The following CTC1 variants were observed in gnomAD, a reference collection of about 807,000 sequenced individuals.
The protein encoded by CTC1 is CST complex subunit CTC1.
CTC1 carries 91 observed loss-of-function variants against 136.3 expected under a neutral mutation model. The observed-to-expected ratio is 0.67, with a 90% confidence interval of 0.56 to 0.79. The LOEUF is 0.79. Ranked by LOEUF, CTC1 falls within the 30% of genes least tolerant of loss-of-function variation. The probability of loss-of-function intolerance (pLI) is 0.00; values close to 1 mark genes in which losing one functional copy is unlikely to be tolerated. For synonymous variants in CTC1, 606 were observed against 613.8 expected, an observed-to-expected ratio of 0.99 and a Z score of 0.19; for missense variants, 1,432 against 1,498.1, an observed-to-expected ratio of 0.96 and a Z score of 0.73.
chr17:8,237,531 G>A lies in CTC1; in HGVS notation c.648-12C>T. On this transcript the variant is annotated splice_polypyrimidine_tract_variant and intron_variant, in intron 4 of 22. Transcript: ENST00000651323. ...CTCTGAGCTTGTTTCTAAGAAGGAA[G>A]AAAAAGCCCTGTAATCCCAGCTACT... 6.2e-7 allele frequency: 1 copy of A among 1,613,536 alleles called. No homozygotes were observed. The highest frequency in any genetic ancestry group is 1.6e-4 in the Middle Eastern group (1 of 6,062).
chr17:8,238,082 G>A lies in CTC1; in HGVS notation c.596C>T (p.Thr199Met), dbSNP rs747323535. 5.5e-5 allele frequency: 88 copies of A among 1,614,044 alleles called. No homozygotes were observed. Among genetic ancestry groups the A allele is most frequent in the Middle Eastern group, 1.6e-4 (1 of 6,082 alleles). Residue 199 changes from threonine (T) to methionine (M), a missense_variant, in exon 4 of 23, where the codon ACG becomes ATG. Transcript: ENST00000651323. ...CTCTGGGTAGAGGACAGGGATAGGC[G>A]TGACGGGGCCAGGACTGATGGTCAA... ...FPLTISPGPV[T>M]PIPVLYPESA...
At chr17:8,240,667 G>A (rs964023501) in intron 2 of CTC1, among the ~76,000 whole-genome samples, 1 of 151,316 alleles carries the variant, frequency 6.6e-6, no homozygotes, top group Non-Finnish European at 1.5e-5. Context: ...ATCACCTGAG[G>A]TCAGGAGTTT....
chr17:8,236,492 T>C (rs1453692964), intron 5 of CTC1, 150 bp from the exon 6 acceptor site: 1 of 764,852 alleles, frequency 1.3e-6, no homozygotes. Flanking sequence ...GCCAACTAAA[T>C]CTTAGCGTCT....
At chr17:8,235,721 A>G in intron 7 of CTC1, 110 bp downstream of exon 7, 1 of 1,256,164 alleles carries the variant, frequency 8.0e-7, no homozygotes, top group Non-Finnish European at 1.1e-6. Context: ...CCTAACACAC[A>G]CTTTTAATTT....
chr17:8,244,529 CTT>C (rs553787024), intron 1 of CTC1, among the ~76,000 whole-genome samples: 17 of 145,478 alleles, frequency 1.2e-4, no homozygotes, highest in East Asian at 2.0e-4. Flanking sequence ...TCACATTCCT[CTT>C]TTTTTTTTTT....
At position 8,235,147 on chromosome 17, in the gene CTC1, C is replaced by G; in HGVS notation, c.1345G>C (p.Gly449Arg). Residue 449 changes from glycine to arginine, a missense_variant, in exon 8 of 23, where the codon GGG becomes CGG. Physicochemically the swap from Gly to Arg is moderately radical, Grantham distance 125 (BLOSUM62 -2). Transcript: ENST00000651323. ...PGAHSSRQAY[G>R]ASLYEQLVWE... ...ACCAGCTGCTCGTACAGGGAGGCCC[C>G]GTAGGCTTGACGGGATGAGTGAGCC... 1 of 1,614,138 alleles carries G rather than the reference C, an allele frequency of 6.2e-7. No homozygotes were observed. Among genetic ancestry groups the G allele is most frequent in the African/African-American group, 1.3e-5 (1 of 75,032 alleles).
chr17:8,246,795 A>T (rs1225892577), intron 1 of CTC1, among the ~76,000 whole-genome samples: 1 of 151,750 alleles, frequency 6.6e-6, no homozygotes, highest in African/African-American at 2.4e-5. Context: ...AATTCCAGCT[A>T]CTCGGGAGGC....
chr17:8,227,132 C>T lies in CTC1; in HGVS notation c.*1048G>A, dbSNP rs186230926. On this transcript the variant is annotated 3_prime_UTR_variant, in exon 23 of 23. Transcript: ENST00000651323. ...GCTACCATAAAAGCAGCATAAATCC[C>T]AACATATGGGTTTAACCACGCTCTA... 6.6e-6 allele frequency: 1 copy of T among 152,114 alleles called. No individual in the cohort carries two copies. The highest frequency in any genetic ancestry group is 1.5e-5 in the Non-Finnish European group (1 of 68,018). 9.4% of individuals were successfully genotyped at this position (152,114 alleles called of 1,614,324 possible). A position where few individuals can be genotyped will look rare whatever the true frequency, so the allele number is the denominator to read the frequency against.
chr17:8,237,939 C>A (rs1173058845), intron 4 of CTC1, 92 bp downstream of exon 4: 5 of 991,348 alleles, frequency 5.0e-6, no homozygotes, highest in Non-Finnish European at 1.5e-6. Flanking sequence ...GTCTATATTA[C>A]TATCAATGCC....
At position 8,234,626 on chromosome 17, in the gene CTC1, G is replaced by C; in HGVS notation, c.1647C>G (p.Phe549Leu). 1 of 1,613,052 alleles carries C rather than the reference G, an allele frequency of 6.2e-7. No homozygotes were observed. Residue 549 changes from phenylalanine (F) to leucine (L), a missense_variant, in exon 10 of 23, where the codon TTC (phenylalanine) becomes TTG (leucine). Physicochemically the swap from Phe to Leu is conservative, Grantham distance 22. Transcript: ENST00000651323. Reference protein sequence around the residue: ...KYTRLQTPSSFPTLATLKEEG... With the variant: ...KYTRLQTPSSLPTLATLKEEG... Reference sequence around the variant, plus strand: ...CTTCTTTCAGGGTGGCCAGAGTGGGGAAGGAGGAGGGAGTCTGCAGCCGAG... The same window carrying C: ...CTTCTTTCAGGGTGGCCAGAGTGGGCAAGGAGGAGGGAGTCTGCAGCCGAG...
At chr17:8,238,751 G>C in intron 2 of CTC1, 122 bp from the exon 3 acceptor site, 1 of 691,116 alleles carries the variant, frequency 1.4e-6, no homozygotes, top group South Asian at 2.0e-5. Context: ...ACTAAGAGGT[G>C]AGTTTGATTG....
Position 8,243,131 on chromosome 17 carries a change from C to T in CTC1, c.51G>A (p.Glu17=). 1 of 1,613,708 alleles carries T rather than the reference C, an allele frequency of 6.2e-7. No homozygotes were observed. Among genetic ancestry groups the T allele is most frequent in the Admixed American group, 1.7e-5 (1 of 59,966 alleles). Residue 17 remains glutamate, a synonymous_variant, in exon 2 of 23, where the codon GAG becomes GAA. Coordinates refer to ENST00000651323, the MANE Select transcript of CTC1 (RefSeq NM_025099.6). The stretch of plus-strand genomic sequence containing the variant: ...TCTTTTGGATGAAGACCTGAGCATC[C>T]TCAAGCCAGGCTTGTTCCTGAGGAA... ...QVPSSEQAWL[E]DAQVFIQKTL...
chr17:8,232,734 G>T, intron 11 of CTC1, 172 bp downstream of exon 11: 1 of 854,644 alleles, frequency 1.2e-6, no homozygotes, highest in Non-Finnish European at 1.9e-6. Context: ...TCTGGCTAGG[G>T]GTCCTCTTGC....
At chr17:8,235,625 C>T (rs1354746390) in intron 7 of CTC1, among the ~76,000 whole-genome samples, 1 of 152,210 alleles carries the variant, frequency 6.6e-6, no homozygotes, top group African/African-American at 2.4e-5. Context: ...AGGAGATGCT[C>T]TGGCCACAAC....
At chr17:8,245,074 CCA>C (rs1412172097) in intron 1 of CTC1, among the ~76,000 whole-genome samples, 1 of 152,080 alleles carries the variant, frequency 6.6e-6, no homozygotes, top group African/African-American at 2.4e-5. Context: ...ATGTTTGTTC[CCA>C]CTTATAAGTG....
intron 2 of CTC1, among the ~76,000 whole-genome samples, chr17:8,239,748 A>G (rs1988055940): frequency 6.6e-6 from 1 of 152,014 alleles, no homozygotes; most frequent in South Asian, 2.1e-4. Flanking sequence ...GTGGAAATGA[A>G]AAGGATCGAG....
Position 8,228,525 on chromosome 17 carries a change from T to G in CTC1, c.3492A>C (p.Lys1164Asn), listed in dbSNP as rs952574848. The G allele has an allele frequency of 1.2e-6, 2 of 1,613,948 alleles. No homozygotes were observed. Among genetic ancestry groups the G allele is most frequent in the African/African-American group, 2.7e-5 (2 of 74,886 alleles). Residue 1164 changes from lysine to asparagine, a missense_variant, in exon 22 of 23, where the codon AAA becomes AAC. Physicochemically the swap from Lys to Asn is moderately conservative, Grantham distance 94. Coordinates refer to ENST00000651323, the MANE Select transcript of CTC1 (RefSeq NM_025099.6). Reference sequence around the variant, plus strand: ...TACCTAATGGGACGATCTTCGACGGTTTCCTTTCCAGCTCAAAAGAAAGCA... The same window carrying G: ...TACCTAATGGGACGATCTTCGACGGGTTCCTTTCCAGCTCAAAAGAAAGCA... ...PIVLSFELER[K>N]PSKIVPLEPP...
At position 8,227,119 on chromosome 17, in the gene CTC1, GCAGCATAAATCC is replaced by G. The variant is rs1224664068; in HGVS notation, c.*1049_*1060del. The G allele has an allele frequency of 3.3e-5, 5 of 150,526 alleles. No homozygotes were observed. In the East Asian group the frequency reaches 9.6e-4, roughly 29 times the overall value. 9.3% of individuals were successfully genotyped at this position (150,526 alleles called of 1,614,324 possible). ...AATATAGGGTATTGCTACCATAAAA[GCAGCATAAATCC>G]CAACATATGGGTTTAACCACGCTCT... On this transcript the variant is annotated 3_prime_UTR_variant, in exon 23 of 23. Transcript: ENST00000651323.
rs115990839 is a variant in CTC1 at position 8,228,243 on chromosome 17, G to C, written c.3591C>G (p.Ser1197=). 2,882 of 1,614,090 alleles carry C rather than the reference G, an allele frequency of 1.8e-3. 60 individuals carry two copies. The African/African-American group carries it at 0.035, about 20-fold the overall frequency. ...ACTCTGACTCTCGGATAGAAAGGCA[G>C]GACAATCGGAGCCTGGGGTTCACGT... ...LTHVNPRLRL[S]CLSIRESEYS... is the part of the protein sequence containing the mutation. Residue 1197 remains serine (S), a synonymous_variant, in exon 23 of 23, where the codon TCC becomes TCG. Coordinates refer to ENST00000651323, the MANE Select transcript of CTC1 (RefSeq NM_025099.6).
Sources: gnomAD v4.1 joint callset for allele counts (sites outside exome capture counted in the v4.1 genomes callset) on GRCh38, gnomAD v4.1.1 for gene constraint, MANE v1.5 for transcripts, NCBI Gene and HGNC (gene_info 2026-07-23, HGNC 2026-07-21) for gene names.